TXK: variants seen among roughly 807,000 people sequenced by gnomAD.
The protein encoded by TXK is tyrosine-protein kinase TXK.
A neutral mutation model predicts 81.0 loss-of-function variants in TXK; 60 were observed. That is an observed-to-expected ratio of 0.74 (90% CI 0.60 to 0.92). TXK has a LOEUF of 0.92. Among genes scored for constraint, TXK ranks in the 40% least tolerant of loss-of-function variants. The pLI, the probability that TXK is intolerant of heterozygous loss-of-function variation, is 0.00. For missense variants in TXK, 581 were observed against 638.3 expected, an observed-to-expected ratio of 0.91 and a Z score of 0.97; for synonymous variants, 203 against 210.7, an observed-to-expected ratio of 0.96 and a Z score of 0.32.
At chr4:48,113,179 C>A in intron 3 of TXK, 28 bp downstream of exon 3, 2 of 1,547,842 alleles carry the variant, frequency 1.3e-6, no homozygotes, top group Non-Finnish European at 1.8e-6. Context: ...TTCTCCATTC[C>A]CCTCTTGCCT....
intron 1 of TXK, among the ~76,000 whole-genome samples, chr4:48,133,064 C>T (rs1175351584): frequency 6.6e-6 from 1 of 152,042 alleles, no homozygotes; most frequent in Non-Finnish European, 1.5e-5. Context: ...TAACAATTTT[C>T]ACCTTGCCAG....
chr4:48,104,385 TATATATAATATATATA>T (rs1718348253), intron 6 of TXK, among the ~76,000 whole-genome samples: 2 of 542 alleles, frequency 3.7e-3, no homozygotes, highest in Non-Finnish European at 2.4e-3. Flanking sequence ...TATATAATAT[TATATATAATATATATA>T]ATATATAATA....
At chr4:48,090,866 G>A (rs1345169089) in intron 8 of TXK, among the ~76,000 whole-genome samples, 1 of 152,244 alleles carries the variant, frequency 6.6e-6, no homozygotes, top group South Asian at 2.1e-4. Flanking sequence ...CTACGCTGAC[G>A]TTGATTGATG....
chr4:48,096,577 A>C (rs1717987822), intron 6 of TXK, among the ~76,000 whole-genome samples: 2 of 152,072 alleles, frequency 1.3e-5, no homozygotes, highest in Non-Finnish European at 2.9e-5. Flanking sequence ...CTAGAGTGCA[A>C]TGGCATGATC....
intron 6 of TXK, among the ~76,000 whole-genome samples, chr4:48,098,947 C>CAA (rs33950837): frequency 6.6e-6 from 1 of 150,970 alleles, no homozygotes; most frequent in Non-Finnish European, 1.5e-5. Context: ...AACATACAAA[C>CAA]AAAAAAAAAA....
chr4:48,083,766 A>T (rs1352462490), intron 10 of TXK, among the ~76,000 whole-genome samples: 4 of 152,238 alleles, frequency 2.6e-5, no homozygotes, highest in African/African-American at 9.6e-5. Context: ...TTATATTATT[A>T]GAGAGCTTGC....
intron 9 of TXK, among the ~76,000 whole-genome samples, chr4:48,086,905 G>A (rs1274261066): frequency 6.6e-6 from 1 of 152,160 alleles, no homozygotes; most frequent in Non-Finnish European, 1.5e-5. Flanking sequence ...AAAGACAACA[G>A]CGAACACACT....
intron 11 of TXK, among the ~76,000 whole-genome samples, chr4:48,079,600 T>C (rs947006772): frequency 3.9e-5 from 6 of 152,214 alleles, no homozygotes; most frequent in Non-Finnish European, 7.3e-5. Flanking sequence ...GAGACTGATA[T>C]GAGTAATAAT....
intron 1 of TXK, among the ~76,000 whole-genome samples, chr4:48,117,511 G>A (rs1718844726): frequency 6.6e-6 from 1 of 152,150 alleles, no homozygotes; most frequent in Non-Finnish European, 1.5e-5. Flanking sequence ...TATAAATTCA[G>A]TAGTACAAGG....
At chr4:48,121,823 T>A (rs1213302310) in intron 1 of TXK, among the ~76,000 whole-genome samples, 1 of 152,226 alleles carries the variant, frequency 6.6e-6, no homozygotes, top group East Asian at 1.9e-4. Flanking sequence ...AGTTTCCATT[T>A]GGGATGATGA....
rs139323038 is a variant in TXK at position 48,105,620 on chromosome 4, C to T, written c.447-665G>A. ...TGATGGGTACACCAGAAACCCAATACCCACCATTACACAATATACTGTTGA... is the reference window on the plus strand; with the variant it reads ...TGATGGGTACACCAGAAACCCAATATCCACCATTACACAATATACTGTTGA... On this transcript the variant is annotated intron_variant, in intron 5 of 14. Transcript: ENST00000264316. Among the ~76,000 whole-genome samples the T allele has an allele frequency of 7.1e-3, 1,082 of 152,198 alleles. 3 individuals are homozygous for T. The highest frequency in any genetic ancestry group is 0.024 in the South Asian group (114 of 4,818).
intron 6 of TXK, among the ~76,000 whole-genome samples, chr4:48,099,869 T>C (rs1029270985): frequency 6.6e-6 from 1 of 152,152 alleles, no homozygotes; most frequent in African/African-American, 2.4e-5. Context: ...CAGGAAAAAT[T>C]ACAAATGGAT....
intron 12 of TXK, 44 bp from the exon 13 acceptor site, chr4:48,074,097 A>C: frequency 7.0e-7 from 1 of 1,423,218 alleles, no homozygotes; most frequent in Non-Finnish European, 9.9e-7. Flanking sequence ...ATTACCTCCA[A>C]GCTCTATTTA....
At chr4:48,106,938 G>T (rs1577673394) in intron 5 of TXK, among the ~76,000 whole-genome samples, 1 of 152,218 alleles carries the variant, frequency 6.6e-6, no homozygotes, top group East Asian at 1.9e-4. Flanking sequence ...ACAGTTAAAA[G>T]AACTTGATTT....
At chr4:48,069,326 C>CTTTT (rs376924565) in intron 14 of TXK, among the ~76,000 whole-genome samples, 9 of 95,828 alleles carry the variant, frequency 9.4e-5, no homozygotes, top group African/African-American at 2.5e-4. Flanking sequence ...CTTTTCTTTT[C>CTTTT]TTTTTTTTTT....
chr4:48,094,138 A>T lies in TXK; in HGVS notation c.648T>A (p.Ala216=), dbSNP rs1293455175. 25 of 1,613,912 alleles carry T rather than the reference A, an allele frequency of 1.5e-5. No individual in the cohort carries two copies. In the East Asian group the frequency reaches 5.6e-4, roughly 36 times the overall value. Reference sequence around the variant, plus strand: ...GGATTGATTGAAAGGCGTGTCTTTCAGCCACATACCACTGTCCTGAGTCAT... The same window carrying T: ...GGATTGATTGAAAGGCGTGTCTTTCTGCCACATACCACTGTCCTGAGTCAT... ...KKNDSGQWYV[A]ERHAFQSIPE... The change falls in exon 8 of 15, where the codon GCT becomes GCA. Residue 216 remains alanine (A), a synonymous_variant. Coordinates refer to ENST00000264316, the MANE Select transcript of TXK (RefSeq NM_003328.3).
chr4:48,120,978 T>G (rs947878669), intron 1 of TXK, among the ~76,000 whole-genome samples: 1 of 152,210 alleles, frequency 6.6e-6, no homozygotes, highest in African/African-American at 2.4e-5. Context: ...CTTGGCAGCA[T>G]TGGTACCATA....
At chr4:48,083,703 T>A (rs1008279006) in intron 10 of TXK, among the ~76,000 whole-genome samples, 1 of 152,218 alleles carries the variant, frequency 6.6e-6, no homozygotes, top group Non-Finnish European at 1.5e-5. Context: ...ACCAACTACA[T>A]GCTAGTCATC....
chr4:48,085,931 C>G (rs1717510966), intron 10 of TXK, among the ~76,000 whole-genome samples: 1 of 152,132 alleles, frequency 6.6e-6, no homozygotes, highest in Admixed American at 6.5e-5. Flanking sequence ...ATACAAGGAC[C>G]CAGGTATCAA....
Sources: allele counts gnomAD v4.1 joint callset (sites outside exome capture counted in the v4.1 genomes callset), GRCh38; gene constraint gnomAD v4.1.1; transcripts MANE v1.5; gene names NCBI Gene and HGNC (gene_info 2026-07-23, HGNC 2026-07-21).